The following NXPH1 variants were observed in gnomAD, a reference collection of about 807,000 sequenced individuals.
The protein encoded by NXPH1 is neurexophilin-1.
Under a neutral mutation model 23.7 loss-of-function variants are expected in NXPH1, and 5 were observed. The observed-to-expected ratio is 0.21, with a 90% CI of 0.11 to 0.44. NXPH1 has a LOEUF of 0.44. NXPH1 is among the 20% of genes least tolerant of loss of function. The pLI, the probability that NXPH1 is intolerant of heterozygous loss-of-function variation, is 0.99. For synonymous variants in NXPH1, 144 were observed against 122.2 expected (o/e 1.18, Z -1.18); for missense variants, 324 against 321.6 (o/e 1.01, Z -0.06).
chr7:8,751,492 A>G lies in NXPH1; in HGVS notation c.539A>G (p.Gln180Arg), dbSNP rs769850203. The G allele has an allele frequency of 2.5e-6, 4 of 1,613,760 alleles. No homozygotes were observed. In the South Asian group the frequency reaches 4.4e-5, roughly 18 times the overall value. ...PTKIVEFDLA[Q>R]QTVIDAKDSK... ...AAAATCGTGGAATTTGACTTGGCAC[A>G]ACAAACCGTGATTGATGCCAAAGAT... is the stretch of plus-strand genomic sequence containing the variant. Residue 180 changes from glutamine to arginine, a missense_variant, in exon 3 of 3, where the codon CAA becomes CGA. Physicochemically the swap from Gln to Arg is conservative, Grantham distance 43. Transcript: ENST00000405863. The surrounding 1 kb of genome is among the most constrained non-coding windows in gnomAD (Gnocchi z 4.5).
chr7:8,677,317 T>C (rs893161939), intron 2 of NXPH1, among the ~76,000 whole-genome samples: 6 of 152,228 alleles, frequency 3.9e-5, no homozygotes, highest in African/African-American at 1.4e-4. Flanking sequence ...AGAAAGTTAA[T>C]GTTTTAGTTG....
At chr7:8,586,058 TAGAGATGGA>T (rs1167327445) in intron 2 of NXPH1, among the ~76,000 whole-genome samples, 1 of 152,178 alleles carries the variant, frequency 6.6e-6, no homozygotes, top group Non-Finnish European at 1.5e-5. Flanking sequence ...CAGTTTGCTG[TAGAGATGGA>T]GTGATAGTAA....
intron 2 of NXPH1, among the ~76,000 whole-genome samples, chr7:8,674,931 T>A (rs895105176): frequency 3.9e-5 from 6 of 152,190 alleles, no homozygotes; most frequent in African/African-American, 1.4e-4. Context: ...AAGCCCTTAC[T>A]GGTGTAGACA....
intron 2 of NXPH1, among the ~76,000 whole-genome samples, chr7:8,702,341 T>C (rs10268717): frequency 0.042 from 6,420 of 152,162 alleles, 395 homozygotes; most frequent in African/African-American, 0.14. Context: ...GTGTAAATAA[T>C]AAAATAAAAC....
intron 2 of NXPH1, among the ~76,000 whole-genome samples, chr7:8,691,153 TA>T (rs1821215436): frequency 6.6e-6 from 1 of 152,126 alleles, no homozygotes; most frequent in Admixed American, 6.6e-5. Context: ...TATTTTATTT[TA>T]TTTTTTTTGA....
chr7:8,671,675 AAC>A (rs1226620175), intron 2 of NXPH1, among the ~76,000 whole-genome samples: 1 of 152,196 alleles, frequency 6.6e-6, no homozygotes. Flanking sequence ...GGTACAGAAA[AAC>A]ACACTTGTTC....
At chr7:8,652,987 A>C (rs1820513902) in intron 2 of NXPH1, among the ~76,000 whole-genome samples, 1 of 152,030 alleles carries the variant, frequency 6.6e-6, no homozygotes, top group African/African-American at 2.4e-5. Context: ...TGATCCTCCC[A>C]CCTCCACCCT....
intron 2 of NXPH1, among the ~76,000 whole-genome samples, chr7:8,707,875 T>C (rs949819007): frequency 6.6e-6 from 1 of 152,214 alleles, no homozygotes; most frequent in African/African-American, 2.4e-5. Flanking sequence ...AATTAACTTT[T>C]AGAATTTCCC....
chr7:8,547,480 CT>C (rs1287220527), intron 2 of NXPH1, among the ~76,000 whole-genome samples: 1 of 151,204 alleles, frequency 6.6e-6, no homozygotes, highest in African/African-American at 2.4e-5. Context: ...ACGTGTAATT[CT>C]TTTTTAAAAA....
chr7:8,744,564 C>T (rs1334209990), intron 2 of NXPH1, among the ~76,000 whole-genome samples: 1 of 152,134 alleles, frequency 6.6e-6, no homozygotes, highest in Admixed American at 6.5e-5. Flanking sequence ...TGCACAATAC[C>T]ATCTACTCAT....
At chr7:8,736,967 A>G (rs1012477903) in intron 2 of NXPH1, among the ~76,000 whole-genome samples, 1 of 135,244 alleles carries the variant, frequency 7.4e-6, no homozygotes, top group African/African-American at 2.9e-5. Context: ...TTTTTTTTTT[A>G]TGCTTTCCAT....
intron 2 of NXPH1, among the ~76,000 whole-genome samples, chr7:8,542,150 A>G (rs554826850): frequency 6.6e-6 from 1 of 151,496 alleles, no homozygotes; most frequent in East Asian, 1.9e-4. Flanking sequence ...GAAAAAATAT[A>G]CAATGTTAAC....
intron 2 of NXPH1, among the ~76,000 whole-genome samples, chr7:8,476,747 A>G (rs776225091): frequency 4.6e-5 from 7 of 152,152 alleles, no homozygotes; most frequent in Admixed American, 2.6e-4. Context: ...AAAATAAGCT[A>G]AAACTGTAAG....
chr7:8,556,788 T>C (rs1178462421), intron 2 of NXPH1, among the ~76,000 whole-genome samples: 1 of 149,308 alleles, frequency 6.7e-6, no homozygotes, highest in East Asian at 2.0e-4. Context: ...CCCTTGGTAG[T>C]GAACTCTTTT....
chr7:8,443,909 T>C (rs1202161177), intron 2 of NXPH1, among the ~76,000 whole-genome samples: 3 of 152,072 alleles, frequency 2.0e-5, no homozygotes, highest in Non-Finnish European at 2.9e-5. Flanking sequence ...CACACAACGT[T>C]GCCCTACCTC....
intron 2 of NXPH1, among the ~76,000 whole-genome samples, chr7:8,454,553 A>G (rs1438636959): frequency 1.3e-5 from 2 of 152,124 alleles, no homozygotes; most frequent in South Asian, 4.1e-4. Flanking sequence ...TCATGGAGCT[A>G]GATGTAGAAG....
At position 8,435,694 on chromosome 7, in the gene NXPH1, G is replaced by A; in HGVS notation, c.-20G>A. 6.2e-7 allele frequency: 1 copy of A among 1,613,410 alleles called. No homozygotes were observed. Among genetic ancestry groups the A allele is most frequent in the Non-Finnish European group, 8.5e-7 (1 of 1,179,364 alleles). ...AAGACTCAAAGAAGGCACCGCCAAG[G>A]AAGTTTGAGACGCGGGAGAATGCAG... On this transcript the variant is annotated 5_prime_UTR_variant, in exon 2 of 3. Coordinates refer to ENST00000405863, the MANE Select transcript of NXPH1 (RefSeq NM_152745.3). The surrounding 1 kb of genome is among the most constrained non-coding windows in gnomAD (Gnocchi z 5.9).
chr7:8,598,112 A>G (rs2128626758), intron 2 of NXPH1, among the ~76,000 whole-genome samples: 1 of 152,250 alleles, frequency 6.6e-6, no homozygotes, highest in Middle Eastern at 3.4e-3. Flanking sequence ...ATGCTCATAT[A>G]TAGAGCATAT....
intron 2 of NXPH1, among the ~76,000 whole-genome samples, chr7:8,592,222 A>G (rs1819113363): frequency 6.6e-6 from 1 of 152,014 alleles, no homozygotes; most frequent in Non-Finnish European, 1.5e-5. Flanking sequence ...GTGTATACTC[A>G]TTATGGGACA....
Sources: gnomAD v4.1 joint callset for allele counts (sites outside exome capture counted in the v4.1 genomes callset) on GRCh38, gnomAD v4.1.1 for gene constraint, Gnocchi (gnomAD v3.1) non-coding constraint, MANE v1.5 for transcripts, NCBI Gene and HGNC (gene_info 2026-07-23, HGNC 2026-07-21) for gene names.